Variants in DNAH12 observed in about 807,000 individuals in gnomAD.
The protein encoded by DNAH12 is dynein axonemal heavy chain 12.
In DNAH12, 285 loss-of-function variants were observed where a neutral mutation model predicts 371.5. The ratio of observed to expected loss-of-function variants is 0.77; its 90% CI spans 0.70 to 0.85. The LOEUF is 0.85. Among genes scored for constraint, DNAH12 ranks in the 40% least tolerant of loss-of-function variants. The pLI, the probability that DNAH12 is intolerant of heterozygous loss-of-function variation, is 0.00. For synonymous variants in DNAH12, 1,200 were observed against 1,213.0 expected, an observed-to-expected ratio of 0.99 and a Z score of 0.22; for missense variants, 3,611 against 3,689.4, an observed-to-expected ratio of 0.98 and a Z score of 0.55.
At chr3:57,504,456 A>C (rs1262179382) in intron 8 of DNAH12, among the ~76,000 whole-genome samples, 1 of 152,050 alleles carries the variant, frequency 6.6e-6, no homozygotes, top group African/African-American at 2.4e-5. Flanking sequence ...TGTTGCCCAG[A>C]CTGCAGTGCA....
At chr3:57,338,138 G>A (rs868973557) in intron 60 of DNAH12, among the ~76,000 whole-genome samples, 5 of 152,170 alleles carry the variant, frequency 3.3e-5, no homozygotes, top group South Asian at 2.1e-4. Context: ...TCGGCCTGCC[G>A]AGTGCCTGGG....
rs1455280016 is a variant in DNAH12 at position 57,457,826 on chromosome 3, T to A, written c.3231A>T (p.Ala1077=). ...SSEGERVELI[A]LISTSAARGA... ...CCCGCGCTGCAGACGTGGAAATGAG[T>A]GCAATCAGCTCCACTCGCTCGCCCT... The change falls in exon 22 of 74, where the codon GCA becomes GCT. Residue 1077 remains alanine, a synonymous_variant. Transcript: ENST00000495027. 4 of 1,551,368 alleles carry A rather than the reference T, an allele frequency of 2.6e-6. No individual in the cohort carries two copies. The African/African-American group carries it at 5.5e-5, about 21-fold the overall frequency.
In DNAH12 at chr3:57,452,829, A is replaced by C; in HGVS notation, c.3786+14T>G. 1.3e-6 allele frequency: 2 copies of C among 1,528,250 alleles called. No homozygotes were observed. The highest frequency in any genetic ancestry group is 1.8e-6 in the Non-Finnish European group (2 of 1,139,278). 94.7% of individuals were successfully genotyped at this position (1,528,250 alleles called of 1,614,324 possible). A position where few individuals can be genotyped will look rare whatever the true frequency, so the allele number is the denominator to read the frequency against. The stretch of plus-strand genomic sequence containing the variant: ...AATTATTAATGTGTGAATTAAGATA[A>C]TTTAAATGCATACCAATGTTCTGTA... On this transcript the variant is annotated intron_variant, in intron 25 of 73. Coordinates refer to ENST00000495027, the MANE Select transcript of DNAH12 (RefSeq NM_001366028.2).
chr3:57,436,111 C>A (rs1247356210), intron 30 of DNAH12, among the ~76,000 whole-genome samples: 1 of 151,902 alleles, frequency 6.6e-6, no homozygotes, highest in Non-Finnish European at 1.5e-5. Context: ...GAAAGCCCCT[C>A]TCAGGTAGCA....
rs782247814 is a variant in DNAH12, at chr3:57,352,090, A to G, written c.9669T>C (p.Leu3223=). The part of the protein sequence containing the change: ...LLFSFLLCAN[L]LLARKEIEYQ... The stretch of plus-strand genomic sequence containing the variant: ...GGTAAAAGCAAGTAACTTACAGAAG[A>G]AGATTGGCACATAATAAAAAGGAAA... The change falls in exon 60 of 74, where the codon CTT becomes CTC. Residue 3223 remains leucine (L), a synonymous_variant. Coordinates refer to ENST00000495027, the MANE Select transcript of DNAH12 (RefSeq NM_001366028.2). The G allele has an allele frequency of 6.6e-7, 1 of 1,507,178 alleles. No individual in the cohort carries two copies. Among genetic ancestry groups the G allele is most frequent in the South Asian group, 1.4e-5 (1 of 73,458 alleles). 93.4% of individuals were successfully genotyped at this position (1,507,178 alleles called of 1,614,324 possible).
intron 58 of DNAH12, among the ~76,000 whole-genome samples, chr3:57,359,128 C>CTAAATAA (rs2062864658): frequency 3.3e-5 from 5 of 152,180 alleles, no homozygotes; most frequent in Non-Finnish European, 7.4e-5. Flanking sequence ...TATTCCATGG[C>CTAAATAA]TTGATCTATG....
At chr3:57,459,566 T>C (rs1377323443) in intron 20 of DNAH12, 26 bp downstream of exon 20, 2 of 1,383,966 alleles carry the variant, frequency 1.4e-6, no homozygotes, top group Non-Finnish European at 1.9e-6. Flanking sequence ...GTTCACCTAC[T>C]GTGAGAGAGA....
intron 11 of DNAH12, among the ~76,000 whole-genome samples, chr3:57,499,673 T>TATATATACACACACAC (rs771112538): frequency 1.1e-4 from 5 of 44,462 alleles, no homozygotes; most frequent in South Asian, 1.2e-3. Context: ...TATATATATA[T>TATATATACACACACAC]ATACTTCTTA....
At chr3:57,541,186 C>T (rs1252728378) in intron 2 of DNAH12, among the ~76,000 whole-genome samples, 1 of 151,630 alleles carries the variant, frequency 6.6e-6, no homozygotes, top group African/African-American at 2.4e-5. Flanking sequence ...ATTACAGGCA[C>T]CTGCCACCAC....
chr3:57,444,513 G>T (rs2065412583), intron 29 of DNAH12, among the ~76,000 whole-genome samples, 184 bp downstream of exon 29: 1 of 152,052 alleles, frequency 6.6e-6, no homozygotes, highest in East Asian at 1.9e-4. Flanking sequence ...ATCTTGACAG[G>T]TTAACCCTGG....
intron 55 of DNAH12, among the ~76,000 whole-genome samples, chr3:57,373,897 T>A (rs2153338343): frequency 6.6e-6 from 1 of 152,362 alleles, no homozygotes; most frequent in South Asian, 2.1e-4. Flanking sequence ...ATACACATTC[T>A]TATTTTATTA....
chr3:57,352,058 AAATT>A, intron 60 of DNAH12, 23 bp downstream of exon 60: 1 of 1,489,234 alleles, frequency 6.7e-7, no homozygotes. Flanking sequence ...AAAAATAAAT[AAATT>A]ATGGTAAAAG....
rs2064095126 is a variant in DNAH12 at position 57,408,179 on chromosome 3, T to C, written c.6276+101A>G. The stretch of plus-strand genomic sequence containing the variant: ...TCTCTGGTCTTCTAAACAGTTTCTC[T>C]GACACCAAAGACCAAAGCAGATAGC... On this transcript the variant is annotated intron_variant, in intron 40 of 73. Coordinates refer to ENST00000495027, the MANE Select transcript of DNAH12 (RefSeq NM_001366028.2). 5.4e-6 allele frequency: 7 copies of C among 1,297,814 alleles called. No individual in the cohort carries two copies. The Middle Eastern group carries it at 8.4e-4, about 156-fold the overall frequency. 80.4% of individuals were successfully genotyped at this position (1,297,814 alleles called of 1,614,324 possible). A position where few individuals can be genotyped will look rare whatever the true frequency, so the allele number is the denominator to read the frequency against.
chr3:57,501,330 T>A lies in DNAH12; in HGVS notation c.1326A>T (p.Glu442Asp). The change falls in exon 11 of 74, where the codon GAA becomes GAT. Residue 442 changes from glutamate to aspartate, a missense_variant. By Grantham distance (45) the Glu-to-Asp change is conservative. This residue lies in a region of DNAH12 where 1,314 missense variants were observed against 1,398.7 expected (regional missense o/e 0.94). Coordinates refer to ENST00000495027, the MANE Select transcript of DNAH12 (RefSeq NM_001366028.2). Reference sequence around the variant, plus strand: ...CAGAATTACCGCTTACCTCTGTATATTCATCAAAAGTATGATCTTCTGTCT... The same window carrying A: ...CAGAATTACCGCTTACCTCTGTATAATCATCAAAAGTATGATCTTCTGTCT... ...TFQTEDHTFD[E>D]YTEFIEKFLS... 5 of 1,599,812 alleles carry A rather than the reference T, an allele frequency of 3.1e-6. No homozygotes were observed. The highest frequency in any genetic ancestry group is 4.3e-6 in the Non-Finnish European group (5 of 1,175,720).
Position 57,445,439 on chromosome 3 carries a change from A to T in DNAH12, c.4180-20T>A, listed in dbSNP as rs780046109. 1 of 1,492,124 alleles carries T rather than the reference A, an allele frequency of 6.7e-7. No homozygotes were observed. Among genetic ancestry groups the T allele is most frequent in the Non-Finnish European group, 8.9e-7 (1 of 1,121,650 alleles). 92.4% of individuals were successfully genotyped at this position (1,492,124 alleles called of 1,614,324 possible). Reference sequence around the variant, plus strand: ...AAGAACCTGAAGTATAAAATAAATGAAATATATTACGTACATAAATGAAGC... The same window carrying T: ...AAGAACCTGAAGTATAAAATAAATGTAATATATTACGTACATAAATGAAGC... On this transcript the variant is annotated intron_variant, in intron 27 of 73. Transcript: ENST00000495027.
chr3:57,359,494 G>A (rs1286943674), intron 58 of DNAH12, among the ~76,000 whole-genome samples: 8 of 150,148 alleles, frequency 5.3e-5, no homozygotes, highest in Non-Finnish European at 1.0e-4. Flanking sequence ...GGGAGGCAGA[G>A]GTTGCTGTGA....
chr3:57,483,108 A>G (rs1187450221), intron 13 of DNAH12, among the ~76,000 whole-genome samples: 1 of 152,070 alleles, frequency 6.6e-6, no homozygotes, highest in East Asian at 1.9e-4. Flanking sequence ...TGAAAAAAAA[A>G]AAAAAAAGAA....
At chr3:57,504,447 G>A (rs1236220052) in intron 8 of DNAH12, among the ~76,000 whole-genome samples, 1 of 151,602 alleles carries the variant, frequency 6.6e-6, no homozygotes, top group Non-Finnish European at 1.5e-5. Context: ...GTCTCACTCT[G>A]TTGCCCAGAC....
the DNAH12 span, among the ~76,000 whole-genome samples, chr3:57,552,807 G>T: frequency 2.0e-5 from 3 of 152,096 alleles, no homozygotes; most frequent in African/African-American, 7.2e-5. Context: ...GGAGACCAAG[G>T]AGTTCAAGGC....
Sources: gnomAD v4.1 joint callset for allele counts (sites outside exome capture counted in the v4.1 genomes callset) on GRCh38, gnomAD v4.1.1 for gene constraint, gnomAD v4.1.1 regional missense constraint, MANE v1.5 for transcripts, NCBI Gene and HGNC (gene_info 2026-07-23, HGNC 2026-07-21) for gene names.